The following NFE2L1 variants were observed in gnomAD, a reference collection of about 807,000 sequenced individuals.
NFE2L1 encodes the protein NFE2 like bZIP transcription factor 1.
In NFE2L1, 18 loss-of-function variants were observed where a neutral mutation model predicts 61.6. That is an observed-to-expected ratio of 0.29 (90% CI 0.20 to 0.43). NFE2L1 has a LOEUF of 0.43. Among genes scored for constraint, NFE2L1 ranks in the 20% least tolerant of loss-of-function variants. The pLI is 1.00. For synonymous variants in NFE2L1, 419 were observed against 402.7 expected, an observed-to-expected ratio of 1.04 and a Z score of -0.48; for missense variants, 827 against 973.5, an observed-to-expected ratio of 0.85 and a Z score of 2.00.
chr17:48,056,477 A>G lies in NFE2L1; in HGVS notation c.602A>G (p.Gln201Arg), dbSNP rs1261988985. 2 of 1,614,212 alleles carry G rather than the reference A, an allele frequency of 1.2e-6. No homozygotes were observed. Among genetic ancestry groups the G allele is most frequent in the Non-Finnish European group, 1.7e-6 (2 of 1,180,022 alleles). The change falls in exon 3 of 6, where the codon CAG becomes CGG. Residue 201 changes from glutamine to arginine, a missense_variant. Coordinates refer to ENST00000362042, the MANE Select transcript of NFE2L1 (RefSeq NM_003204.3). The stretch of plus-strand genomic sequence containing the variant: ...GACTATAGTCACCGCCAGAAGGAGC[A>G]GGATGTGGAGAAGGAGCTGCGAGAT... The part of the protein sequence containing the change: ...VFDYSHRQKE[Q>R]DVEKELRDGG...
Position 48,056,414 on chromosome 17 carries a change from G to C in NFE2L1, c.539G>C (p.Arg180Pro). The change falls in exon 3 of 6, where the codon CGA (arginine) becomes CCA (proline). Residue 180 changes from arginine to proline, a missense_variant. By Grantham distance (103) the Arg-to-Pro change is moderately radical. This residue lies in a region of NFE2L1 where 667 missense variants were observed against 748.4 expected (regional missense o/e 0.89). Transcript: ENST00000362042. ...ATAGATCTGATTGACATCCTTTGGC[G>C]ACAGGATATTGATCTGGGGGCTGGG... ...EDIDLIDILW[R>P]QDIDLGAGRE... 6.2e-7 allele frequency: 1 copy of C among 1,614,172 alleles called. No homozygotes were observed. Among genetic ancestry groups the C allele is most frequent in the Non-Finnish European group, 8.5e-7 (1 of 1,180,016 alleles).
rs188351757 is a variant in NFE2L1 at position 48,050,373 on chromosome 17, G to A, written c.-512-234G>A. Among the ~76,000 whole-genome samples, 285 of 152,266 alleles carry A rather than the reference G, an allele frequency of 1.9e-3. 1 individual carries two copies. Among genetic ancestry groups the A allele is most frequent in the Middle Eastern group, 3.4e-3 (1 of 294 alleles). On this transcript the variant is annotated intron_variant, in intron 1 of 5. Transcript: ENST00000362042. ...AGGCGCCTGTAATCCCAGATACTTG[G>A]GAGGCTGAGGCAGGAGAATCGCTTG... is the stretch of plus-strand genomic sequence containing the variant.
At chr17:48,052,577 G>GA (rs371459368) in intron 2 of NFE2L1, among the ~76,000 whole-genome samples, 1 of 152,218 alleles carries the variant, frequency 6.6e-6, no homozygotes, top group South Asian at 2.1e-4. Flanking sequence ...TGCCAGGTCA[G>GA]ACCACGTTTT....
Position 48,059,097 on chromosome 17 carries a change from C to A in NFE2L1, c.1775C>A (p.Pro592His), listed in dbSNP as rs774228997. ...SALDSADLPP[P>H]SALKKGSKEK... ...CTGGACTCAGCCGACCTGCCACCAC[C>A]CAGTGCCCTCAAGAAAGGCAGCAAG... The change falls in exon 6 of 6, where the codon CCC becomes CAC. Residue 592 changes from proline to histidine, a missense_variant. Transcript: ENST00000362042. This position sits in a 1 kb window ranked among gnomAD's most constrained non-coding sequence, Gnocchi z 6.1. 4.3e-6 allele frequency: 7 copies of A among 1,613,998 alleles called. No homozygotes were observed. The highest frequency in any genetic ancestry group is 1.7e-6 in the Non-Finnish European group (2 of 1,180,040).
intron 5 of NFE2L1, 52 bp downstream of exon 5, chr17:48,057,554 T>G: frequency 6.4e-7 from 1 of 1,566,018 alleles, no homozygotes. Context: ...ACAGATTGTC[T>G]TAGCACTCAG....
rs1290558877 is a variant in NFE2L1 at position 48,050,838 on chromosome 17, T to C, written c.-281T>C. On this transcript the variant is annotated 5_prime_UTR_variant, in exon 2 of 6. The change abolishes the stop of an existing upstream ORF in the 5' untranslated region. Coordinates refer to ENST00000362042, the MANE Select transcript of NFE2L1 (RefSeq NM_003204.3). ...GGAGAAAGTAAGTCACGTGGGCCCT[T>C]GAGGACCTGGACTGGGTTAGGAACA... is the stretch of plus-strand genomic sequence containing the variant. The C allele has an allele frequency of 5.1e-6, 3 of 593,928 alleles. No homozygotes were observed. Among genetic ancestry groups the C allele is most frequent in the Admixed American group, 3.0e-5 (1 of 33,606 alleles). The allele number at this position is 593,928 out of a possible 1,614,324, so 36.8% of individuals were successfully genotyped here.
rs2037540697 is a variant in NFE2L1, at chr17:48,061,192, C to T, written c.*1551C>T. On this transcript the variant is annotated 3_prime_UTR_variant, in exon 6 of 6. Transcript: ENST00000362042. Reference sequence around the variant, plus strand: ...CCAGATGGTTCCAGGACTACAATGTCTTTATTTTTAACTGTTTGCCACTGC... The same window carrying T: ...CCAGATGGTTCCAGGACTACAATGTTTTTATTTTTAACTGTTTGCCACTGC... 6.6e-6 allele frequency: 1 copy of T among 152,148 alleles called. No homozygotes were observed. Among genetic ancestry groups the T allele is most frequent in the Admixed American group, 6.5e-5 (1 of 15,280 alleles). The allele number at this position is 152,148 out of a possible 1,614,324, so 9.4% of individuals were successfully genotyped here.
chr17:48,051,704 A>G (rs1317432221), intron 2 of NFE2L1, 76 bp downstream of exon 2: 1 of 1,522,966 alleles, frequency 6.6e-7, no homozygotes, highest in African/African-American at 1.4e-5. Flanking sequence ...TGGTCAGAAC[A>G]CTGAGCCCTG....
chr17:48,059,105 C>G lies in NFE2L1; in HGVS notation c.1783C>G (p.Leu595Val). 6.2e-7 allele frequency: 1 copy of G among 1,614,064 alleles called. No homozygotes were observed. Among genetic ancestry groups the G allele is most frequent in the Non-Finnish European group, 8.5e-7 (1 of 1,180,040 alleles). ...AGCCGACCTGCCACCACCCAGTGCC[C>G]TCAAGAAAGGCAGCAAGGAGAAGCA... is the stretch of plus-strand genomic sequence containing the variant. ...DSADLPPPSA[L>V]KKGSKEKQAD... The change falls in exon 6 of 6, where the codon CTC (leucine) becomes GTC (valine). Residue 595 changes from leucine to valine, a missense_variant. Physicochemically the swap from Leu to Val is conservative, Grantham distance 32 (BLOSUM62 1). Coordinates refer to ENST00000362042, the MANE Select transcript of NFE2L1 (RefSeq NM_003204.3). The surrounding 1 kb of genome is among the most constrained non-coding windows in gnomAD (Gnocchi z 6.1).
intron 2 of NFE2L1, chr17:48,054,902 C>G: frequency 1.4e-6 from 2 of 1,384,006 alleles, no homozygotes; most frequent in Non-Finnish European, 1.9e-6. Flanking sequence ...TCAGGCCCCT[C>G]GGAGCTAGCA....
rs1567759017 is a variant in NFE2L1, at chr17:48,060,936, G to GA, written c.*1296dup. On this transcript the variant is annotated 3_prime_UTR_variant, in exon 6 of 6. Coordinates refer to ENST00000362042, the MANE Select transcript of NFE2L1 (RefSeq NM_003204.3). Reference sequence around the variant, plus strand: ...TGCTAAATGTTCTCTTTGCCATAAAGACTCCGTGTAACTGTGTGAACACTT... The same window carrying GA: ...TGCTAAATGTTCTCTTTGCCATAAAGAACTCCGTGTAACTGTGTGAACACTT... 1 of 152,644 alleles carries GA rather than the reference G, an allele frequency of 6.6e-6. No individual in the cohort carries two copies. The highest frequency in any genetic ancestry group is 6.5e-5 in the Admixed American group (1 of 15,280). 9.5% of individuals were successfully genotyped at this position (152,644 alleles called of 1,614,324 possible).
chr17:48,058,708 C>A lies in NFE2L1; in HGVS notation c.1386C>A (p.Asn462Lys), dbSNP rs754939167. The A allele has an allele frequency of 1.2e-6, 2 of 1,614,076 alleles. No homozygotes were observed. The highest frequency in any genetic ancestry group is 4.5e-5 in the East Asian group (2 of 44,882). Reference sequence around the variant, plus strand: ...ACCTGGCCATTGAAGAAGGCTTTAACCCTGTGCAGGCCTCCCAGCTGGAGG... The same window carrying A: ...ACCTGGCCATTGAAGAAGGCTTTAAACCTGTGCAGGCCTCCCAGCTGGAGG... ...LMDLAIEEGF[N>K]PVQASQLEEE... Residue 462 changes from asparagine (N) to lysine (K), a missense_variant, in exon 6 of 6, where the codon AAC becomes AAA. This residue lies in a region of NFE2L1 where 667 missense variants were observed against 748.4 expected (regional missense o/e 0.89). Transcript: ENST00000362042.
Position 48,059,627 on chromosome 17 carries a change from G to T in NFE2L1, c.2305G>T (p.Asp769Tyr), listed in dbSNP as rs2037498347. Residue 769 changes from aspartate (D) to tyrosine (Y), a missense_variant, in exon 6 of 6, where the codon GAC (aspartate) becomes TAC (tyrosine). Coordinates refer to ENST00000362042, the MANE Select transcript of NFE2L1 (RefSeq NM_003204.3). The surrounding 1 kb of genome is among the most constrained non-coding windows in gnomAD (Gnocchi z 6.1). The part of the protein sequence containing the change: ...QARRQERKPK[D>Y]RRK ...CCGGCGGCAGGAGAGGAAGCCAAAGGACCGGAGAAAGTGAGCCTGGGGAAG... is the reference window on the plus strand; with the variant it reads ...CCGGCGGCAGGAGAGGAAGCCAAAGTACCGGAGAAAGTGAGCCTGGGGAAG... The T allele has an allele frequency of 1.3e-6, 2 of 1,558,180 alleles. No homozygotes were observed. The highest frequency in any genetic ancestry group is 1.7e-6 in the Non-Finnish European group (2 of 1,151,864).
intron 1 of NFE2L1, chr17:48,049,288 T>C (rs1432887911): frequency 6.6e-6 from 1 of 152,298 alleles, no homozygotes; most frequent in Non-Finnish European, 1.5e-5. Context: ...CAGAAGGTCA[T>C]ATGAATGAAA....
chr17:48,054,850 T>TG (rs75041992), intron 2 of NFE2L1: 1,336,984 of 1,337,008 alleles, frequency 1, 668,480 homozygotes, highest in Middle Eastern at 1. Flanking sequence ...GGAAGGGGGC[T>TG]GGCTGGGCCG....
intron 5 of NFE2L1, 121 bp downstream of exon 5, chr17:48,057,623 G>A (rs1484676899): frequency 1.5e-6 from 2 of 1,300,768 alleles, no homozygotes; most frequent in East Asian, 2.4e-5. Context: ...ATAGAGAAGT[G>A]GGGACAATGA....
In NFE2L1 at chr17:48,051,106, T is replaced by C; in HGVS notation, c.-13T>C. ...TAAAAACCAAAAAGCATAAACATTC[T>C]GGTCCTTCAGCAATGCTTTCTCTGA... On this transcript the variant is annotated 5_prime_UTR_variant, in exon 2 of 6. Coordinates refer to ENST00000362042, the MANE Select transcript of NFE2L1 (RefSeq NM_003204.3). 3 of 1,614,188 alleles carry C rather than the reference T, an allele frequency of 1.9e-6. No individual in the cohort carries two copies. Among genetic ancestry groups the C allele is most frequent in the Non-Finnish European group, 2.5e-6 (3 of 1,180,034 alleles).
rs756295858 is a variant in NFE2L1, at chr17:48,056,445, G to A, written c.570G>A (p.Glu190=). ...RQDIDLGAGR[E]VFDYSHRQKE... ...ATATTGATCTGGGGGCTGGGCGTGA[G>A]GTTTTTGACTATAGTCACCGCCAGA... The change falls in exon 3 of 6, where the codon GAG becomes GAA. Residue 190 remains glutamate, a synonymous_variant. Coordinates refer to ENST00000362042, the MANE Select transcript of NFE2L1 (RefSeq NM_003204.3). The A allele has an allele frequency of 3.7e-6, 6 of 1,614,186 alleles. No individual in the cohort carries two copies. In the South Asian group the frequency reaches 5.5e-5, roughly 15 times the overall value.
rs775805742 is a variant in NFE2L1, at chr17:48,050,600, A to G, written c.-512-7A>G. The stretch of plus-strand genomic sequence containing the variant: ...TTATCCTGTTGCTTTTGTGATTCCC[A>G]TTTCAGGTTTCTCTGGAAACCCCCC... On this transcript the variant is annotated splice_polypyrimidine_tract_variant and splice_region_variant and intron_variant, in intron 1 of 5. Transcript: ENST00000362042. The G allele has an allele frequency of 7.3e-6, 3 of 408,938 alleles. No homozygotes were observed. Among genetic ancestry groups the G allele is most frequent in the Admixed American group, 4.0e-5 (1 of 25,008 alleles). 25.3% of individuals were successfully genotyped at this position (408,938 alleles called of 1,614,324 possible). A position where few individuals can be genotyped will look rare whatever the true frequency, so the allele number is the denominator to read the frequency against.
Sources: allele counts gnomAD v4.1 joint callset (sites outside exome capture counted in the v4.1 genomes callset), GRCh38; gene constraint gnomAD v4.1.1; regional missense constraint gnomAD v4.1.1; non-coding constraint Gnocchi (gnomAD v3.1); transcripts MANE v1.5; gene names NCBI Gene and HGNC (gene_info 2026-07-23, HGNC 2026-07-21).